SOX6: variants seen among roughly 807,000 people sequenced by gnomAD.
SOX6 encodes the protein SRY-box transcription factor 6.
Under a neutral mutation model 97.8 loss-of-function variants are expected in SOX6, and 11 were observed. That is an observed-to-expected ratio of 0.11 (90% CI 0.07 to 0.19). The LOEUF (loss-of-function observed/expected upper bound fraction) is 0.19, where lower values mean the gene tolerates loss of function less well. Ranked by LOEUF, SOX6 falls within the 10% of genes least tolerant of loss-of-function variation. The pLI is 1.00. For missense variants in SOX6, 810 were observed against 1,039.5 expected (o/e 0.78, Z 3.04); for synonymous variants, 360 against 371.4 (o/e 0.97, Z 0.35).
intron 12 of SOX6, among the ~76,000 whole-genome samples, chr11:16,023,459 A>T (rs185972025): frequency 5.4e-4 from 82 of 152,246 alleles, no homozygotes; most frequent in African/African-American, 1.7e-3. Context: ...TTCAGATCCT[A>T]TTTAAAGCAG....
chr11:16,636,447 TG>T (rs1465590746), intron 3 of SOX6, among the ~76,000 whole-genome samples: 1 of 152,228 alleles, frequency 6.6e-6, no homozygotes, highest in Non-Finnish European at 1.5e-5. Flanking sequence ...GTAAGTAACT[TG>T]CTTTTGATTT....
chr11:16,167,251 A>G (rs1477753526), intron 6 of SOX6, among the ~76,000 whole-genome samples: 1 of 152,152 alleles, frequency 6.6e-6, no homozygotes, highest in Non-Finnish European at 1.5e-5. Context: ...CTAGTTGCTT[A>G]GGTCAAAATC....
intron 4 of SOX6, among the ~76,000 whole-genome samples, chr11:16,223,623 G>A (rs1852606100): frequency 6.6e-6 from 1 of 152,062 alleles, no homozygotes; most frequent in East Asian, 1.9e-4. Flanking sequence ...TGTATTCAAA[G>A]AATACTAGCT....
chr11:16,320,359 G>A (rs1855881045), intron 2 of SOX6, among the ~76,000 whole-genome samples: 1 of 151,904 alleles, frequency 6.6e-6, no homozygotes, highest in Non-Finnish European at 1.5e-5. Flanking sequence ...GGAAAAGGGG[G>A]GAAAAGGAAA....
At chr11:16,351,822 T>G (rs1282984646) in intron 1 of SOX6, among the ~76,000 whole-genome samples, 1 of 152,112 alleles carries the variant, frequency 6.6e-6, no homozygotes, top group Admixed American at 6.6e-5. Context: ...TAATGGATAT[T>G]ACCTCACATA....
At chr11:16,064,541 C>CAT (rs1453315022) in intron 9 of SOX6, among the ~76,000 whole-genome samples, 28 of 148,562 alleles carry the variant, frequency 1.9e-4, no homozygotes, top group African/African-American at 4.0e-4. Flanking sequence ...TATATGAAGC[C>CAT]ATATATATAT....
intron 3 of SOX6, chr11:16,312,424 T>A (rs1041725340): frequency 4.6e-5 from 7 of 152,208 alleles, no homozygotes; most frequent in African/African-American, 1.7e-4. Context: ...GCCCTCGGCC[T>A]AGGATCATAT....
chr11:16,143,914 C>T lies in SOX6; in HGVS notation c.778-31991G>A, dbSNP rs971693032. 8.5e-5 allele frequency among the ~76,000 whole-genome samples: 13 copies of T among 152,276 alleles called. No individual in the cohort carries two copies. The South Asian group carries it at 2.7e-3, about 32-fold the overall frequency. ...ACACAATAATAATGGGAAACTTTAACACCCCACTGTCAACATTAGACAGAC... is the reference window on the plus strand; with the variant it reads ...ACACAATAATAATGGGAAACTTTAATACCCCACTGTCAACATTAGACAGAC... On this transcript the variant is annotated intron_variant, in intron 6 of 15. Transcript: ENST00000683767.
Position 16,341,035 on chromosome 11 carries a change from C to T in SOX6, c.214G>A (p.Val72Ile), listed in dbSNP as rs377228366. ...ACCATTCTTTGCTGAGATGACAGAA[C>T]GCTGTCCCAGTCAGCATCTTGTTGA... ...TIQQDADWDS[V>I]LSSQQRMESE... The change falls in exon 2 of 16, where the codon GTT (valine) becomes ATT (isoleucine). Residue 72 changes from valine to isoleucine, a missense_variant. Val to Ile is a conservative substitution (Grantham distance 29). Transcript: ENST00000683767. 5.3e-5 allele frequency: 85 copies of T among 1,613,206 alleles called. No individual in the cohort carries two copies. The African/African-American group carries it at 7.2e-4, about 14-fold the overall frequency.
chr11:16,586,660 C>A (rs1183197317), intron 4 of SOX6, among the ~76,000 whole-genome samples: 1 of 152,022 alleles, frequency 6.6e-6, no homozygotes, highest in African/African-American at 2.4e-5. Flanking sequence ...TTCAAGAATG[C>A]AGTGAGCTGT....
intron 1 of SOX6, among the ~76,000 whole-genome samples, chr11:16,364,971 G>C (rs966176130): frequency 2.6e-5 from 4 of 151,996 alleles, no homozygotes; most frequent in African/African-American, 9.7e-5. Context: ...TTTTATCTCG[G>C]CCATTATCCA....
At chr11:16,056,627 G>A (rs1847822260) in intron 9 of SOX6, among the ~76,000 whole-genome samples, 1 of 152,110 alleles carries the variant, frequency 6.6e-6, no homozygotes, top group South Asian at 2.1e-4. Context: ...CTTTGCCTGG[G>A]ATTCCACATT....
chr11:16,218,649 GA>G (rs970921438), intron 4 of SOX6, among the ~76,000 whole-genome samples: 14 of 152,138 alleles, frequency 9.2e-5, no homozygotes, highest in African/African-American at 3.4e-4. Flanking sequence ...ACTATTATAT[GA>G]AAAAACATAT....
intron 9 of SOX6, among the ~76,000 whole-genome samples, chr11:16,076,414 A>C (rs1848353636): frequency 6.6e-6 from 1 of 151,962 alleles, no homozygotes; most frequent in African/African-American, 2.4e-5. Flanking sequence ...GCAAAAAAAA[A>C]AAAAAAGAAC....
intron 10 of SOX6, among the ~76,000 whole-genome samples, chr11:16,050,591 A>G (rs1847661796): frequency 6.6e-6 from 1 of 152,154 alleles, no homozygotes; most frequent in Admixed American, 6.6e-5. Flanking sequence ...GCTATATGCA[A>G]TTTATTTTTC....
intron 1 of SOX6, among the ~76,000 whole-genome samples, chr11:16,345,415 CA>C (rs764198831): frequency 2.0e-5 from 3 of 152,022 alleles, no homozygotes; most frequent in East Asian, 3.9e-4. Context: ...GATGCCAGGC[CA>C]TTGGGAAGAA....
intron 1 of SOX6, among the ~76,000 whole-genome samples, chr11:16,475,418 T>C (rs1860223750): frequency 6.6e-6 from 1 of 152,140 alleles, no homozygotes; most frequent in South Asian, 2.1e-4. Context: ...TTCCTTTCAT[T>C]TGAACACTTA....
intron 2 of SOX6, among the ~76,000 whole-genome samples, chr11:16,722,808 A>T (rs565448061): frequency 6.6e-6 from 1 of 152,358 alleles, no homozygotes; most frequent in East Asian, 1.9e-4. Flanking sequence ...AATGGCTGTT[A>T]TTAAAAAGTA....
intron 4 of SOX6, among the ~76,000 whole-genome samples, chr11:16,202,994 A>C (rs1374092004): frequency 6.6e-6 from 1 of 152,152 alleles, no homozygotes; most frequent in Non-Finnish European, 1.5e-5. Flanking sequence ...GCTTTATAGG[A>C]ATCTCTGAGT....
Sources: gnomAD v4.1 joint callset for allele counts (sites outside exome capture counted in the v4.1 genomes callset) on GRCh38, gnomAD v4.1.1 for gene constraint, MANE v1.5 for transcripts, NCBI Gene and HGNC (gene_info 2026-07-23, HGNC 2026-07-21) for gene names.